Variants in RADX observed in about 807,000 individuals in gnomAD.
RADX encodes the protein RPA1 related single stranded DNA binding protein, X-linked, also known as RPA-related protein RADX.
A neutral mutation model predicts 61.6 loss-of-function variants in RADX; 36 were observed. The ratio of observed to expected loss-of-function variants is 0.58; its 90% confidence interval spans 0.45 to 0.77. The LOEUF (loss-of-function observed/expected upper bound fraction) is 0.77. Ranked by LOEUF, RADX falls within the 30% of genes least tolerant of loss-of-function variation. The pLI is 0.00. For synonymous variants in RADX, 272 were observed against 237.9 expected, an observed-to-expected ratio of 1.14 and a Z score of -1.32; for missense variants, 497 against 651.1, an observed-to-expected ratio of 0.76 and a Z score of 2.58.
At chrX:106,617,537 T>C (rs1378471429) in intron 1 of RADX, among the ~76,000 whole-genome samples, 1 of 112,045 alleles carries the variant, frequency 8.9e-6, no homozygotes, top group Non-Finnish European at 1.9e-5. Flanking sequence ...AAGGTTTTGC[T>C]TTAGATGTTA....
In RADX at chrX:106,628,644, A is replaced by ATT. The variant is rs35521933; in HGVS notation, c.979+3378_979+3379dup. Among the ~76,000 whole-genome samples the ATT allele has an allele frequency of 3.1e-3, 301 of 98,356 alleles. 4 individuals are homozygous for ATT. Among genetic ancestry groups the ATT allele is most frequent in the African/African-American group, 0.01 (272 of 25,979 alleles). 85.4% of individuals were successfully genotyped at this position (98,356 alleles called of 115,157 possible). Reference sequence around the variant, plus strand: ...GTTCCAAGTTAGAACTAATATGTGAATTTTTTTTTTTTTTTTTGATACGGA... The same window carrying ATT: ...GTTCCAAGTTAGAACTAATATGTGAATTTTTTTTTTTTTTTTTTTGATACGGA... On this transcript the variant is annotated intron_variant, in intron 3 of 13. Transcript: ENST00000372548.
At chrX:106,619,811 G>A (rs753527389) in intron 1 of RADX, among the ~76,000 whole-genome samples, 9 of 111,326 alleles carry the variant, frequency 8.1e-5, no homozygotes, top group Admixed American at 3.8e-4. Flanking sequence ...TCTTTTTCAT[G>A]ATTAGACTTG....
intron 10 of RADX, among the ~76,000 whole-genome samples, chrX:106,647,314 G>C (rs758394984): frequency 9.0e-5 from 10 of 111,012 alleles, no homozygotes; most frequent in Non-Finnish European, 1.9e-4. Flanking sequence ...CATTGCAAAT[G>C]ACAGGATTTT....
Position 106,640,617 on chromosome X carries a change from G to A in RADX, c.1800G>A (p.Arg600=). 8.4e-7 allele frequency: 1 copy of A among 1,195,246 alleles called. No individual in the cohort carries two copies. The highest frequency in any genetic ancestry group is 1.1e-6 in the Non-Finnish European group (1 of 882,393). ...RVEIQERNGK[R]HQDDEPVNSQ... is the part of the protein sequence containing the mutation. ...AAATTCAAGAAAGAAATGGTAAACG[G>A]CATCAAGATGATGAGCCTGTGAATT... The change falls in exon 10 of 14, where the codon CGG becomes CGA. Residue 600 remains arginine, a synonymous_variant. Transcript: ENST00000372548.
At chrX:106,617,293 T>A (rs913269001) in intron 1 of RADX, among the ~76,000 whole-genome samples, 2 of 110,594 alleles carry the variant, frequency 1.8e-5, no homozygotes, top group African/African-American at 6.6e-5. Flanking sequence ...CCCAAAGTGC[T>A]GGGATTACAG....
chrX:106,641,566 G>T (rs1927515129), intron 10 of RADX, among the ~76,000 whole-genome samples: 2 of 111,272 alleles, frequency 1.8e-5, no homozygotes, highest in Admixed American at 1.9e-4. Flanking sequence ...AGAAAAGGGG[G>T]ATCATGGGTC....
At chrX:106,651,071 A>T (rs188133871) in intron 11 of RADX, among the ~76,000 whole-genome samples, 7 of 111,151 alleles carry the variant, frequency 6.3e-5, no homozygotes, top group South Asian at 7.6e-4. Flanking sequence ...TATATATATA[A>T]AAATGAATTA....
chrX:106,631,972 A>G (rs188268537), intron 3 of RADX, among the ~76,000 whole-genome samples: 75 of 111,706 alleles, frequency 6.7e-4, no homozygotes, highest in African/African-American at 2.3e-3. Context: ...ACTTAAAATG[A>G]TTAGGGATTA....
At chrX:106,652,591 A>G in intron 11 of RADX, among the ~76,000 whole-genome samples, 1 of 109,251 alleles carries the variant, frequency 9.2e-6, no homozygotes, top group African/African-American at 3.3e-5. Context: ...ATAATCTTAA[A>G]AAGGTAAATA....
intron 11 of RADX, among the ~76,000 whole-genome samples, chrX:106,656,962 C>T (rs2147635073): frequency 8.9e-6 from 1 of 111,848 alleles, no homozygotes; most frequent in African/African-American, 3.2e-5. Flanking sequence ...AGAGAGTCAG[C>T]CTGCCCGTTG....
chrX:106,665,807 C>T (rs888954715), intron 12 of RADX, among the ~76,000 whole-genome samples: 3 of 111,863 alleles, frequency 2.7e-5, no homozygotes, highest in African/African-American at 9.8e-5. Flanking sequence ...TGGTCATTAC[C>T]TCTGACTGGA....
At chrX:106,627,459 C>CT (rs200030944) in intron 3 of RADX, among the ~76,000 whole-genome samples, 18,186 of 110,904 alleles carry the variant, frequency 0.16, 3,739 homozygotes, top group African/African-American at 0.57. Context: ...CAAATTGTCA[C>CT]TTTTTGTGGT....
At chrX:106,642,844 G>C (rs1238655159) in intron 10 of RADX, among the ~76,000 whole-genome samples, 2 of 111,477 alleles carry the variant, frequency 1.8e-5, no homozygotes, top group Admixed American at 1.9e-4. Flanking sequence ...TCTCCATAGT[G>C]GTTGTACTAA....
chrX:106,624,412 G>A (rs73529262), intron 2 of RADX, among the ~76,000 whole-genome samples: 6,058 of 111,514 alleles, frequency 0.054, 406 homozygotes, highest in African/African-American at 0.19. Flanking sequence ...TGCATGCCCT[G>A]TGGTCATATG....
intron 10 of RADX, among the ~76,000 whole-genome samples, chrX:106,643,899 C>G (rs931246313): frequency 9.0e-6 from 1 of 111,160 alleles, no homozygotes; most frequent in Non-Finnish European, 1.9e-5. Flanking sequence ...TTGATTCTTC[C>G]AATACATGAT....
intron 13 of RADX, among the ~76,000 whole-genome samples, chrX:106,677,652 C>T (rs1258230284): frequency 9.0e-6 from 1 of 111,164 alleles, no homozygotes; most frequent in African/African-American, 3.3e-5. Context: ...TACACATATA[C>T]ACATATGTAT....
At chrX:106,639,741 G>C in intron 9 of RADX, 54 bp downstream of exon 9, 2 of 962,981 alleles carry the variant, frequency 2.1e-6, no homozygotes. Context: ...GATTATGATT[G>C]CAATTGGTAC....
intron 2 of RADX, among the ~76,000 whole-genome samples, chrX:106,624,347 A>G (rs1220645588): frequency 9.0e-6 from 1 of 111,476 alleles, no homozygotes; most frequent in African/African-American, 3.3e-5. Context: ...TGCTAATCTT[A>G]CTCTACTGTG....
At chrX:106,631,592 A>T (rs1040946523) in intron 3 of RADX, among the ~76,000 whole-genome samples, 3 of 107,317 alleles carry the variant, frequency 2.8e-5, no homozygotes, top group African/African-American at 1.0e-4. Context: ...GCTACTCAGG[A>T]GGCTAAGGCA....
Sources: gnomAD v4.1 joint callset for allele counts (sites outside exome capture counted in the v4.1 genomes callset) on GRCh38, gnomAD v4.1.1 for gene constraint, MANE v1.5 for transcripts, NCBI Gene and HGNC (gene_info 2026-07-23, HGNC 2026-07-21) for gene names.